Variants in EHBP1 observed in about 807,000 individuals in gnomAD.
The protein encoded by EHBP1 is EH domain-binding protein 1.
Under a neutral mutation model 144.0 loss-of-function variants are expected in EHBP1, and 55 were observed. That is an observed-to-expected ratio of 0.38 (90% CI 0.31 to 0.48). EHBP1 has a LOEUF of 0.48. Among genes scored for constraint, EHBP1 ranks in the 20% least tolerant of loss-of-function variants. EHBP1 has a pLI of 0.98. For synonymous variants in EHBP1, 469 were observed against 472.7 expected (o/e 0.99, Z 0.10); for missense variants, 1,200 against 1,364.2 (o/e 0.88, Z 1.90).
Position 62,707,127 on chromosome 2 carries a change from C to T in EHBP1, c.-65C>T. The T allele has an allele frequency of 8.0e-7, 1 of 1,254,348 alleles. No homozygotes were observed. Among genetic ancestry groups the T allele is most frequent in the Admixed American group, 1.7e-5 (1 of 59,310 alleles). 77.7% of individuals were successfully genotyped at this position (1,254,348 alleles called of 1,614,324 possible). A position where few individuals can be genotyped will look rare whatever the true frequency, so the allele number is the denominator to read the frequency against. On this transcript the variant is annotated 5_prime_UTR_variant, in exon 2 of 23. Coordinates refer to ENST00000431489, the MANE Select transcript of EHBP1 (RefSeq NM_001142616.3). ...CATGCAAAGTTCCTTTGCTTTGGAC[C>T]CTCTGCATTATTAAAGCTGCTGTAT... is the stretch of plus-strand genomic sequence containing the variant.
chr2:63,041,889 A>G (rs1270016730), intron 21 of EHBP1, among the ~76,000 whole-genome samples: 1 of 152,224 alleles, frequency 6.6e-6, no homozygotes, highest in Non-Finnish European at 1.5e-5. Flanking sequence ...CCTTTCTGTT[A>G]AAGTGTTTAT....
intron 19 of EHBP1, among the ~76,000 whole-genome samples, chr2:63,007,294 T>C (rs1412418271): frequency 1.3e-5 from 2 of 151,844 alleles, no homozygotes; most frequent in African/African-American, 2.4e-5. Flanking sequence ...ATTCATTTGT[T>C]TATTTTGTTT....
intron 7 of EHBP1, among the ~76,000 whole-genome samples, chr2:62,838,434 G>C (rs2047485844): frequency 6.6e-6 from 1 of 151,818 alleles, no homozygotes; most frequent in South Asian, 2.1e-4. Context: ...AAAAGAACTA[G>C]AAAAGCAAGA....
chr2:62,800,255 A>G (rs1388413683), intron 5 of EHBP1, among the ~76,000 whole-genome samples: 1 of 152,134 alleles, frequency 6.6e-6, no homozygotes, highest in Non-Finnish European at 1.5e-5. Context: ...AATCTCATCT[A>G]CCTCATGATT....
intron 1 of EHBP1, among the ~76,000 whole-genome samples, chr2:62,699,661 A>G (rs1359404533): frequency 6.6e-6 from 1 of 152,242 alleles, no homozygotes; most frequent in African/African-American, 2.4e-5. Flanking sequence ...CAACGTTTAC[A>G]GTTGTCATCC....
At chr2:62,714,015 G>T (rs1038920665) in intron 2 of EHBP1, among the ~76,000 whole-genome samples, 2 of 152,116 alleles carry the variant, frequency 1.3e-5, no homozygotes, top group Non-Finnish European at 2.9e-5. Context: ...GTCTACACAT[G>T]ACTCAAAATA....
chr2:62,871,378 A>C lies in EHBP1; in HGVS notation c.999-2968A>C, dbSNP rs2050469165. ...CAGTCTTTACAAGTTTCTCGTGAAT[A>C]AAGAGTGTTCTAACTTGCTCAATCA... is the stretch of plus-strand genomic sequence containing the variant. On this transcript the variant is annotated intron_variant, in intron 9 of 22. Transcript: ENST00000431489. Among the ~76,000 whole-genome samples, 4 of 152,250 alleles carry C rather than the reference A, an allele frequency of 2.6e-5. No individual in the cohort carries two copies. The South Asian group carries it at 8.3e-4, about 31-fold the overall frequency.
intron 2 of EHBP1, among the ~76,000 whole-genome samples, chr2:62,728,677 C>T (rs1177020061): frequency 6.7e-6 from 1 of 150,188 alleles, no homozygotes; most frequent in Admixed American, 6.6e-5. Context: ...TAGTTTCTCT[C>T]ATGTTGTAAG....
rs186298591 is a variant in EHBP1 at position 62,734,040 on chromosome 2, T to A, written c.105-13355T>A. 6.9e-3 allele frequency among the ~76,000 whole-genome samples: 1,045 copies of A among 152,326 alleles called. 48 individuals carry two copies. The highest frequency in any genetic ancestry group is 0.065 in the Admixed American group (999 of 15,286). ...GATTTTCAGTTTGTTTGTTTTTTTA[T>A]GTTGTGGGGCTATATAGAAGTGACA... On this transcript the variant is annotated intron_variant, in intron 2 of 22. Transcript: ENST00000431489.
chr2:62,791,602 C>G (rs1386096966), intron 5 of EHBP1, among the ~76,000 whole-genome samples: 2 of 151,818 alleles, frequency 1.3e-5, no homozygotes, highest in Admixed American at 6.6e-5. Context: ...TGAAAAATAT[C>G]TGACGTTAAA....
chr2:62,859,359 A>G, intron 8 of EHBP1, 68 bp downstream of exon 8: 2 of 1,441,730 alleles, frequency 1.4e-6, no homozygotes, highest in Admixed American at 2.1e-5. Flanking sequence ...AAGGGCAGGA[A>G]AATATTTTCT....
In EHBP1 at chr2:62,955,553, A is replaced by G. The variant is rs2057649379; in HGVS notation, c.2353A>G (p.Arg785Gly). The change falls in exon 14 of 23, where the codon AGA becomes GGA. Residue 785 changes from arginine (R) to glycine (G), a missense_variant. Physicochemically the swap from Arg to Gly is moderately radical, Grantham distance 125. Around this residue, in one of 6 missense-constraint regions of EHBP1, gnomAD observed 543 missense variants for 513.1 expected, o/e 1.06. Transcript: ENST00000431489. ...LLSRQEELKERARVLLEQARR... is the reference protein window; with the variant it reads ...LLSRQEELKEGARVLLEQARR... ...ATCTAGACAAGAAGAACTTAAGGAA[A>G]GAGCAAGAGTTCTGCTTGAGCAAGC... The G allele has an allele frequency of 6.2e-7, 1 of 1,612,518 alleles. No individual in the cohort carries two copies. Among genetic ancestry groups the G allele is most frequent in the African/African-American group, 1.3e-5 (1 of 74,908 alleles).
chr2:62,881,078 C>A (rs2051369430), intron 10 of EHBP1, among the ~76,000 whole-genome samples: 1 of 151,968 alleles, frequency 6.6e-6, no homozygotes, highest in Non-Finnish European at 1.5e-5. Context: ...AGAACAAAAT[C>A]ATGTTCTTTG....
chr2:62,824,544 A>G (rs2046210889), intron 5 of EHBP1, among the ~76,000 whole-genome samples: 1 of 152,040 alleles, frequency 6.6e-6, no homozygotes, highest in Non-Finnish European at 1.5e-5. Flanking sequence ...ATTGTTTGGT[A>G]TAGTCACATC....
At chr2:62,709,076 C>T (rs1338334753) in intron 2 of EHBP1, among the ~76,000 whole-genome samples, 1 of 152,142 alleles carries the variant, frequency 6.6e-6, no homozygotes, top group Non-Finnish European at 1.5e-5. Flanking sequence ...ACCAGGACAA[C>T]AGTGTAGACT....
At chr2:62,781,440 T>C (rs554537187) in intron 5 of EHBP1, among the ~76,000 whole-genome samples, 29 of 152,342 alleles carry the variant, frequency 1.9e-4, no homozygotes, top group Admixed American at 3.9e-4. Context: ...TTCATTTTGC[T>C]GCAAAAATAA....
At chr2:62,759,591 G>A (rs2040596446) in intron 3 of EHBP1, among the ~76,000 whole-genome samples, 1 of 152,002 alleles carries the variant, frequency 6.6e-6, no homozygotes, top group South Asian at 2.1e-4. Flanking sequence ...TTTCAGTAGA[G>A]ACAGGGTTTC....
At chr2:62,966,311 G>A (rs915745482) in intron 14 of EHBP1, among the ~76,000 whole-genome samples, 2 of 152,146 alleles carry the variant, frequency 1.3e-5, no homozygotes, top group African/African-American at 4.8e-5. Context: ...AATTTTTAAA[G>A]GATTTAGCCC....
intron 19 of EHBP1, among the ~76,000 whole-genome samples, chr2:63,000,999 CA>C (rs923789447): frequency 6.6e-5 from 10 of 152,240 alleles, no homozygotes; most frequent in African/African-American, 2.2e-4. Flanking sequence ...TCTGTGCCAG[CA>C]ATGTTGTAAC....
Sources: allele counts gnomAD v4.1 joint callset (sites outside exome capture counted in the v4.1 genomes callset), GRCh38; gene constraint gnomAD v4.1.1; regional missense constraint gnomAD v4.1.1; transcripts MANE v1.5; gene names NCBI Gene and HGNC (gene_info 2026-07-23, HGNC 2026-07-21).